OTOG: variants seen among roughly 807,000 people sequenced by gnomAD.
OTOG encodes the protein otogelin.
OTOG carries 296 observed loss-of-function variants against 313.8 expected under a neutral mutation model. The observed-to-expected ratio is 0.94, with a 90% CI of 0.86 to 1.04. The LOEUF (loss-of-function observed/expected upper bound fraction) is 1.04, where lower values mean the gene tolerates loss of function less well. Ranked by LOEUF, OTOG falls within the 50% of genes least tolerant of loss-of-function variation. OTOG has a pLI of 0.00. For missense variants in OTOG, 3,948 were observed against 3,840.1 expected (o/e 1.03, Z -0.74); for synonymous variants, 1,533 against 1,554.9 (o/e 0.99, Z 0.33).
rs372072683 is a variant in OTOG, at chr11:17,634,729, G to A, written c.7481-115G>A. ...CTAGGAGTATGGGTCCTGGGGGCTG[G>A]GGGGAGGAGTGGGGCCAGGCGTCCA... On this transcript the variant is annotated intron_variant, in intron 44 of 55. Coordinates refer to ENST00000399397, the MANE Select transcript of OTOG (RefSeq NM_001292063.2). The A allele has an allele frequency of 1.7e-4, 142 of 821,044 alleles. 1 individual carries two copies. In the East Asian group the frequency reaches 2.7e-3, roughly 16 times the overall value. 50.9% of individuals were successfully genotyped at this position (821,044 alleles called of 1,614,324 possible). A position where few individuals can be genotyped will look rare whatever the true frequency, so the allele number is the denominator to read the frequency against.
chr11:17,547,294 GT>G lies in OTOG; in HGVS notation c.-78del. 3 of 1,198,928 alleles carry G rather than the reference GT, an allele frequency of 2.5e-6. No homozygotes were observed. Among genetic ancestry groups the G allele is most frequent in the Non-Finnish European group, 3.2e-6 (3 of 939,224 alleles). 74.3% of individuals were successfully genotyped at this position (1,198,928 alleles called of 1,614,324 possible). On this transcript the variant is annotated 5_prime_UTR_variant, in exon 1 of 56. An upstream open reading frame in the 5' UTR gains an earlier in-frame stop. Transcript: ENST00000399397. ...GAGGGACCTCGGCTGCGGAGTGGAG[GT>G]GTGACCCTGCCTTAGCCCGGGGAGG...
At chr11:17,594,244 G>T in intron 28 of OTOG, 78 bp downstream of exon 28, 2 of 1,516,432 alleles carry the variant, frequency 1.3e-6, no homozygotes, top group South Asian at 1.2e-5. Context: ...CCCAAGGTCA[G>T]GGAAGAGGGA....
chr11:17,622,101 A>G (rs1439418582), intron 39 of OTOG, among the ~76,000 whole-genome samples: 7 of 152,222 alleles, frequency 4.6e-5, no homozygotes. Context: ...AGGAAGGCTC[A>G]GGCTAGGAGA....
rs542644742 is a variant in OTOG, at chr11:17,572,480, C to T, written c.2080+276C>T. On this transcript the variant is annotated intron_variant, in intron 18 of 55. Transcript: ENST00000399397. ...AAGTCGGCCCCATGGCCCCACCAGG[C>T]CCCACCCTCTCTGCCCATGCCCCCC... Among the ~76,000 whole-genome samples, 160 of 152,258 alleles carry T rather than the reference C, an allele frequency of 1.1e-3. 1 individual carries two copies. Among genetic ancestry groups the T allele is most frequent in the African/African-American group, 3.3e-3 (139 of 41,548 alleles).
chr11:17,638,507 G>A lies in OTOG; in HGVS notation c.7852G>A (p.Glu2618Lys). ...GTGTGGCCTGGGCACTGCCCTGGTG[G>A]AGGTGTGGAGCCCCGACCGCTGCTG... is the stretch of plus-strand genomic sequence containing the variant. ...VQCGLGTALV[E>K]VWSPDRCCPY... is the part of the protein sequence containing the mutation. The change falls in exon 48 of 56, where the codon GAG becomes AAG. Residue 2618 changes from glutamate (E) to lysine (K), a missense_variant. Coordinates refer to ENST00000399397, the MANE Select transcript of OTOG (RefSeq NM_001292063.2). The A allele has an allele frequency of 6.4e-7, 1 of 1,550,432 alleles. No homozygotes were observed. Among genetic ancestry groups the A allele is most frequent in the Non-Finnish European group, 8.7e-7 (1 of 1,147,002 alleles).
intron 28 of OTOG, among the ~76,000 whole-genome samples, chr11:17,594,599 G>A (rs1451664309): frequency 6.6e-6 from 1 of 152,200 alleles, no homozygotes; most frequent in Non-Finnish European, 1.5e-5. Flanking sequence ...TGCTTAAATA[G>A]ATGAATATAT....
chr11:17,555,382 T>A (rs1263491146), intron 6 of OTOG, among the ~76,000 whole-genome samples: 1 of 152,076 alleles, frequency 6.6e-6, no homozygotes, highest in Non-Finnish European at 1.5e-5. Flanking sequence ...TGTATAGATG[T>A]GTGTGTTTGT....
At chr11:17,604,148 C>T (rs1419445839) in intron 32 of OTOG, among the ~76,000 whole-genome samples, 1 of 152,218 alleles carries the variant, frequency 6.6e-6, no homozygotes, top group African/African-American at 2.4e-5. Context: ...ATTCAAACTC[C>T]TCTGCCATGC....
chr11:17,626,759 C>T (rs10832818), intron 39 of OTOG, among the ~76,000 whole-genome samples: 21,581 of 152,092 alleles, frequency 0.14, 1,668 homozygotes, highest in Non-Finnish European at 0.18. Flanking sequence ...TGAGCATGGG[C>T]TATCTTTCCA....
intron 33 of OTOG, among the ~76,000 whole-genome samples, chr11:17,607,764 A>C (rs1444435205): frequency 1.3e-5 from 2 of 152,120 alleles, no homozygotes; most frequent in African/African-American, 4.8e-5. Flanking sequence ...GTGCCCAGGA[A>C]CGCTTTGGGC....
chr11:17,574,712 C>A lies in OTOG; in HGVS notation c.2294-8C>A. The stretch of plus-strand genomic sequence containing the variant: ...GACAAAGCATGCACCACTCCCCCCT[C>A]ACTGCAGCACTGTCCTGTGAGGCCT... On this transcript the variant is annotated splice_polypyrimidine_tract_variant and splice_region_variant and intron_variant, in intron 19 of 55. Coordinates refer to ENST00000399397, the MANE Select transcript of OTOG (RefSeq NM_001292063.2). 1.3e-6 allele frequency: 2 copies of A among 1,547,908 alleles called. 1 individual carries two copies. Among genetic ancestry groups the A allele is most frequent in the South Asian group, 2.4e-5 (2 of 83,626 alleles).
intron 32 of OTOG, among the ~76,000 whole-genome samples, chr11:17,603,364 G>T (rs1266765871): frequency 6.6e-6 from 1 of 152,184 alleles, no homozygotes; most frequent in East Asian, 1.9e-4. Context: ...TCCAGATGTG[G>T]CAGGCCATCT....
At chr11:17,631,943 G>A in intron 41 of OTOG, 21 bp downstream of exon 41, 1 of 1,547,996 alleles carries the variant, frequency 6.5e-7, no homozygotes, top group East Asian at 2.4e-5. Context: ...ACTGGGTCCA[G>A]CACTGGGGAC....
intron 4 of OTOG, among the ~76,000 whole-genome samples, chr11:17,552,284 G>C (rs563250050): frequency 1.3e-5 from 2 of 152,292 alleles, no homozygotes; most frequent in East Asian, 1.9e-4. Context: ...CTAGAGTCCT[G>C]TTCCTATGAC....
At chr11:17,551,703 G>T (rs1009257591) in intron 3 of OTOG, among the ~76,000 whole-genome samples, 1 of 152,170 alleles carries the variant, frequency 6.6e-6, no homozygotes, top group Non-Finnish European at 1.5e-5. Context: ...AGGCTGGCAG[G>T]TATTGGGGCA....
intron 35 of OTOG, 31 bp from the exon 36 acceptor site, chr11:17,609,624 G>C: frequency 6.9e-7 from 1 of 1,458,488 alleles, no homozygotes; most frequent in Non-Finnish European, 9.1e-7. Context: ...CAGTCACCCC[G>C]CCTTCTGAAC....
At chr11:17,606,781 G>A (rs902844787) in intron 33 of OTOG, among the ~76,000 whole-genome samples, 4 of 152,222 alleles carry the variant, frequency 2.6e-5, no homozygotes, top group Admixed American at 6.5e-5. Flanking sequence ...GCATGTACAC[G>A]TATGTAAATG....
chr11:17,601,046 G>A lies in OTOG; in HGVS notation c.3710-1164G>A, dbSNP rs538124541. Among the ~76,000 whole-genome samples the A allele has an allele frequency of 2.0e-5, 3 of 152,328 alleles. No individual in the cohort carries two copies. The East Asian group carries it at 5.8e-4, about 29-fold the overall frequency. ...AGTTGGTAGTTTCCAGTTGACCCCTGGTGGGAGTGTTTACGCCATGGAAAT... is the reference window on the plus strand; with the variant it reads ...AGTTGGTAGTTTCCAGTTGACCCCTAGTGGGAGTGTTTACGCCATGGAAAT... On this transcript the variant is annotated intron_variant, in intron 31 of 55. Transcript: ENST00000399397.
intron 32 of OTOG, 66 bp downstream of exon 32, chr11:17,602,443 G>A: frequency 1.3e-6 from 2 of 1,491,728 alleles, no homozygotes; most frequent in Non-Finnish European, 1.8e-6. Flanking sequence ...GGAGGGGAGG[G>A]TGCTGAGGCC....
Sources: allele counts gnomAD v4.1 joint callset (sites outside exome capture counted in the v4.1 genomes callset), GRCh38; gene constraint gnomAD v4.1.1; transcripts MANE v1.5; gene names NCBI Gene and HGNC (gene_info 2026-07-23, HGNC 2026-07-21).